Variants in RAB3IL1 observed in about 807,000 individuals in gnomAD.
The protein encoded by RAB3IL1 is RAB3A interacting protein like 1, also known as guanine nucleotide exchange factor for Rab-3A.
In RAB3IL1, 37 loss-of-function variants were observed where a neutral mutation model predicts 49.2. That is an observed-to-expected ratio of 0.75 (90% confidence interval 0.58 to 0.99). The LOEUF is 0.99. RAB3IL1 is among the 50% of genes least tolerant of loss of function. RAB3IL1 has a pLI of 0.00. For synonymous variants in RAB3IL1, 193 were observed against 213.9 expected, an observed-to-expected ratio of 0.90 and a Z score of 0.85; for missense variants, 484 against 513.0, an observed-to-expected ratio of 0.94 and a Z score of 0.55.
intron 5 of RAB3IL1, among the ~76,000 whole-genome samples, chr11:61,905,188 G>A (rs896292160): frequency 5.3e-5 from 8 of 152,204 alleles, no homozygotes; most frequent in Admixed American, 6.5e-5. Context: ...TCCTTGAGGA[G>A]GAAAAGTCAA....
chr11:61,920,179 T>A (rs918883866), upstream of RAB3IL1: 16 of 1,293,626 alleles, frequency 1.2e-5, no homozygotes, highest in Non-Finnish European at 1.5e-5. Flanking sequence ...AGCGTGCTCC[T>A]CAGAAGAGTC....
At position 61,901,711 on chromosome 11, in the gene RAB3IL1, C is replaced by T. The variant is rs749330368; in HGVS notation, c.999+731G>A. ...AGGGTGTCCCCTTGCCAGCAGCCAG[C>T]AAGAAAATAGGGGCCTCAGTCCTTC... On this transcript the variant is annotated intron_variant, in intron 8 of 9. Coordinates refer to ENST00000394836, the MANE Select transcript of RAB3IL1 (RefSeq NM_013401.4). Among the ~76,000 whole-genome samples, 8 of 152,168 alleles carry T rather than the reference C, an allele frequency of 5.3e-5. No homozygotes were observed. In the South Asian group the frequency reaches 1.2e-3, roughly 24 times the overall value.
At chr11:61,903,841 C>T (rs375824433) in intron 7 of RAB3IL1, among the ~76,000 whole-genome samples, 3 of 151,936 alleles carry the variant, frequency 2.0e-5, no homozygotes, top group African/African-American at 4.8e-5. Context: ...TGACTTTTGC[C>T]GCACTGGCTG....
chr11:61,919,307 A>G (rs915092748), upstream of RAB3IL1, among the ~76,000 whole-genome samples: 5 of 152,168 alleles, frequency 3.3e-5, no homozygotes, highest in African/African-American at 1.2e-4. Flanking sequence ...TTGAAGGACA[A>G]GTCTGTGGTC....
chr11:61,934,446 G>GTGTGTGTATATATA, the RAB3IL1 span, among the ~76,000 whole-genome samples: 19 of 24,390 alleles, frequency 7.8e-4, no homozygotes, highest in Non-Finnish European at 1.6e-3. Context: ...GTGTGTGTGT[G>GTGTGTGTATATATA]TATGTATATA....
chr11:61,924,499 G>A (rs1254217881), upstream of RAB3IL1, among the ~76,000 whole-genome samples: 1 of 151,978 alleles, frequency 6.6e-6, no homozygotes, highest in Non-Finnish European at 1.5e-5. Context: ...TGGGGCCAGA[G>A]CTCCCCCAGT....
the RAB3IL1 span, among the ~76,000 whole-genome samples, chr11:61,940,650 C>T: frequency 2.6e-5 from 4 of 150,944 alleles, no homozygotes; most frequent in African/African-American, 4.9e-5. Flanking sequence ...AGGCTGGGCG[C>T]GGTGGCTCAC....
At chr11:61,903,635 T>C (rs1157393102) in intron 7 of RAB3IL1, among the ~76,000 whole-genome samples, 1 of 152,052 alleles carries the variant, frequency 6.6e-6, no homozygotes, top group East Asian at 1.9e-4. Context: ...GCAATTCTCC[T>C]GACTCAGCCT....
At chr11:61,925,972 G>A in the RAB3IL1 span, among the ~76,000 whole-genome samples, 1 of 152,004 alleles carries the variant, frequency 6.6e-6, no homozygotes, top group East Asian at 1.9e-4. Flanking sequence ...AAAAATAGAA[G>A]TGAACACTTA....
the RAB3IL1 span, among the ~76,000 whole-genome samples, chr11:61,943,174 G>T: frequency 7.2e-5 from 11 of 152,126 alleles, no homozygotes; most frequent in Non-Finnish European, 1.6e-4. Context: ...TGATAGTCCA[G>T]AAATAAACCC....
At chr11:61,903,467 G>T (rs1485429613) in intron 7 of RAB3IL1, among the ~76,000 whole-genome samples, 1 of 152,040 alleles carries the variant, frequency 6.6e-6, no homozygotes, top group Non-Finnish European at 1.5e-5. Flanking sequence ...GTTGCCTCCT[G>T]GTTCACTGGG....
chr11:61,920,941 AAC>A (rs1254710153), upstream of RAB3IL1, among the ~76,000 whole-genome samples: 1 of 152,066 alleles, frequency 6.6e-6, no homozygotes, highest in East Asian at 1.9e-4. Context: ...AAAACAAACA[AAC>A]AAAAAACTGT....
chr11:61,906,323 C>T lies in RAB3IL1; in HGVS notation c.657+143G>A. 3 of 784,652 alleles carry T rather than the reference C, an allele frequency of 3.8e-6. No homozygotes were observed. Among genetic ancestry groups the T allele is most frequent in the Middle Eastern group, 3.6e-4 (1 of 2,768 alleles). The allele number at this position is 784,652 out of a possible 1,614,324, so 48.6% of individuals were successfully genotyped here. ...CAGGAGGTTGGAGAGAAAGGACCTG[C>T]CCAGCCCTCACATCCCAGAGAGGCG... On this transcript the variant is annotated intron_variant, in intron 5 of 9. Coordinates refer to ENST00000394836, the MANE Select transcript of RAB3IL1 (RefSeq NM_013401.4). The surrounding 1 kb of genome is among the most constrained non-coding windows in gnomAD (Gnocchi z 4.6).
chr11:61,932,124 G>A, the RAB3IL1 span, among the ~76,000 whole-genome samples: 45 of 151,964 alleles, frequency 3.0e-4, no homozygotes, highest in Admixed American at 1.4e-3. Context: ...GGTGGCGGGC[G>A]CCTGTAGTCC....
chr11:61,899,366 G>T lies in RAB3IL1; in HGVS notation c.1014C>A (p.Cys338Ter). 1 of 1,609,274 alleles carries T rather than the reference G, an allele frequency of 6.2e-7. No individual in the cohort carries two copies. ...TGTAGCGGATGTAGGTGAAGAAGTTGCACACTGCGGTGATCTGTGGGCAGA... is the reference window on the plus strand; with the variant it reads ...TGTAGCGGATGTAGGTGAAGAAGTTTCACACTGCGGTGATCTGTGGGCAGA... ...PSSRARITAV[C>*]NFFTYIRYIQ... The change falls in exon 9 of 10, where the codon TGC (cysteine) becomes TGA (stop). Residue 338 changes from cysteine to a stop codon, truncating the protein, a stop_gained. Coordinates refer to ENST00000394836, the MANE Select transcript of RAB3IL1 (RefSeq NM_013401.4). LOFTEE classifies it high-confidence loss of function.
chr11:61,926,764 G>C, the RAB3IL1 span, among the ~76,000 whole-genome samples: 1 of 151,890 alleles, frequency 6.6e-6, no homozygotes, highest in South Asian at 2.1e-4. Flanking sequence ...CATGTTGGCC[G>C]GGCTGGTCTC....
At position 61,897,916 on chromosome 11, in the gene RAB3IL1, C is replaced by T. The variant is rs986275815; in HGVS notation, c.*362G>A. 4 of 232,408 alleles carry T rather than the reference C, an allele frequency of 1.7e-5. No individual in the cohort carries two copies. Among genetic ancestry groups the T allele is most frequent in the Non-Finnish European group, 3.4e-5 (4 of 116,568 alleles). 14.4% of individuals were successfully genotyped at this position (232,408 alleles called of 1,614,324 possible). ...TTCTGAAGACAAGCCAGCAACAAGG[C>T]ACCTGCAGGCAGTTCTGGGGACTGG... On this transcript the variant is annotated 3_prime_UTR_variant, in exon 10 of 10. Coordinates refer to ENST00000394836, the MANE Select transcript of RAB3IL1 (RefSeq NM_013401.4).
chr11:61,938,164 G>C, the RAB3IL1 span, among the ~76,000 whole-genome samples: 2 of 152,194 alleles, frequency 1.3e-5, no homozygotes, highest in Non-Finnish European at 2.9e-5. Context: ...TTGGTAGGCT[G>C]AAGTGGGAGG....
chr11:61,904,466 A>G (rs1346798496), intron 7 of RAB3IL1, 80 bp downstream of exon 7: 1 of 1,357,000 alleles, frequency 7.4e-7, no homozygotes, highest in African/African-American at 1.4e-5. Flanking sequence ...CTGCATCCTG[A>G]CCACCCCTCG....
Sources: allele counts gnomAD v4.1 joint callset (sites outside exome capture counted in the v4.1 genomes callset), GRCh38; gene constraint gnomAD v4.1.1; non-coding constraint Gnocchi (gnomAD v3.1); transcripts MANE v1.5; gene names NCBI Gene and HGNC (gene_info 2026-07-23, HGNC 2026-07-21).